UBE2W: variants seen among roughly 807,000 people sequenced by gnomAD.
The protein encoded by UBE2W is ubiquitin conjugating enzyme E2 W.
UBE2W carries 18 observed loss-of-function variants against 27.2 expected under a neutral mutation model. The ratio of observed to expected loss-of-function variants is 0.66; its 90% CI spans 0.46 to 0.98. The LOEUF is 0.98. UBE2W is among the 50% of genes least tolerant of loss of function. The pLI is 0.00. For missense variants in UBE2W, 90 were observed against 180.2 expected, an observed-to-expected ratio of 0.50 and a Z score of 2.87; for synonymous variants, 53 against 57.2, an observed-to-expected ratio of 0.93 and a Z score of 0.33.
chr8:73,801,351 A>G (rs1057320430), intron 5 of UBE2W, among the ~76,000 whole-genome samples: 2 of 152,190 alleles, frequency 1.3e-5, no homozygotes, highest in Admixed American at 6.5e-5. Flanking sequence ...AAATAGGAAT[A>G]CCCTCTAATA....
chr8:73,815,118 T>C (rs1809333664), intron 3 of UBE2W, among the ~76,000 whole-genome samples: 1 of 152,210 alleles, frequency 6.6e-6, no homozygotes, highest in Non-Finnish European at 1.5e-5. Flanking sequence ...GACTCACACC[T>C]GTAATCCTAG....
rs1479752962 is a variant in UBE2W at position 73,796,753 on chromosome 8, A to G, written c.443-2638T>C. On this transcript the variant is annotated intron_variant, in intron 5 of 5. Transcript: ENST00000602593. ...ATAGATACAACTATGAGCCAAAGCCATCGCCATCCTTTTTCTAAATAGGAT... is the reference window on the plus strand; with the variant it reads ...ATAGATACAACTATGAGCCAAAGCCGTCGCCATCCTTTTTCTAAATAGGAT... The G allele has an allele frequency of 4.5e-6, 3 of 667,080 alleles. No homozygotes were observed. The African/African-American group carries it at 5.8e-5, about 13-fold the overall frequency. 41.3% of individuals were successfully genotyped at this position (667,080 alleles called of 1,614,324 possible).
chr8:73,813,793 C>T (rs1809272856), intron 3 of UBE2W, among the ~76,000 whole-genome samples: 1 of 151,780 alleles, frequency 6.6e-6, no homozygotes, highest in Non-Finnish European at 1.5e-5. Flanking sequence ...GCTCTTGTTG[C>T]CCAGGCTGGA....
At chr8:73,838,407 G>C (rs1801176125) in intron 1 of UBE2W, among the ~76,000 whole-genome samples, 1 of 151,990 alleles carries the variant, frequency 6.6e-6, no homozygotes, top group Admixed American at 6.6e-5. Context: ...CTCTACTCTA[G>C]ATCACTACAA....
intron 1 of UBE2W, among the ~76,000 whole-genome samples, chr8:73,846,831 A>C (rs927034955): frequency 1.3e-5 from 2 of 152,226 alleles, no homozygotes; most frequent in East Asian, 1.9e-4. Context: ...TTAGATTATA[A>C]TAAGTATGTT....
intron 5 of UBE2W, among the ~76,000 whole-genome samples, chr8:73,804,555 CTTT>C (rs57819629): frequency 6.8e-6 from 1 of 146,528 alleles, no homozygotes. Flanking sequence ...CAGAATCTCA[CTTT>C]TTTTTTTTTA....
chr8:73,861,097 C>T (rs1811517152), intron 1 of UBE2W, among the ~76,000 whole-genome samples: 1 of 152,040 alleles, frequency 6.6e-6, no homozygotes. Flanking sequence ...CCATCCTGGG[C>T]AACAGAGTGA....
chr8:73,865,789 A>G (rs1257986135), intron 1 of UBE2W, among the ~76,000 whole-genome samples: 2 of 152,176 alleles, frequency 1.3e-5, no homozygotes, highest in Non-Finnish European at 2.9e-5. Flanking sequence ...AGACTATTCT[A>G]ATTTTAAAAT....
At chr8:73,864,730 C>T (rs1811673059) in intron 1 of UBE2W, among the ~76,000 whole-genome samples, 1 of 105,656 alleles carries the variant, frequency 9.5e-6, no homozygotes, top group East Asian at 2.7e-4. Context: ...GTGCATGCCA[C>T]CATGTCCAGC....
At chr8:73,865,583 T>C (rs1811720019) in intron 1 of UBE2W, among the ~76,000 whole-genome samples, 1 of 152,182 alleles carries the variant, frequency 6.6e-6, no homozygotes, top group African/African-American at 2.4e-5. Context: ...CTGCATACCC[T>C]AGCCTGGGTG....
At position 73,792,838 on chromosome 8, in the gene UBE2W, TCAA is replaced by T; in HGVS notation, c.*1261_*1263del. 1 of 985,552 alleles carries T rather than the reference TCAA, an allele frequency of 1.0e-6. No homozygotes were observed. Among genetic ancestry groups the T allele is most frequent in the Non-Finnish European group, 1.2e-6 (1 of 829,830 alleles). The allele number at this position is 985,552 out of a possible 1,614,324, so 61.1% of individuals were successfully genotyped here. ...TCATCTAGCTGTAAGCAAAGTCTTTTCAACAACAACAAAACAAAACCCTCCAGG... is the reference window on the plus strand; with the variant it reads ...TCATCTAGCTGTAAGCAAAGTCTTTTCAACAACAAAACAAAACCCTCCAGG... On this transcript the variant is annotated 3_prime_UTR_variant, in exon 6 of 6. Coordinates refer to ENST00000602593, the MANE Select transcript of UBE2W (RefSeq NM_018299.6).
At chr8:73,858,872 T>TTGCG (rs1255076026) in intron 1 of UBE2W, among the ~76,000 whole-genome samples, 1 of 110,430 alleles carries the variant, frequency 9.1e-6, no homozygotes, top group Non-Finnish European at 1.8e-5. Flanking sequence ...AGGGGGGTTT[T>TTGCG]TGCGTGCGTG....
At chr8:73,803,834 T>C (rs1808752072) in intron 5 of UBE2W, among the ~76,000 whole-genome samples, 1 of 151,406 alleles carries the variant, frequency 6.6e-6, no homozygotes, top group Admixed American at 6.6e-5. Flanking sequence ...TGGCGCGATC[T>C]CCGCTCACTA....
At chr8:73,824,157 T>G (rs915401398) in intron 3 of UBE2W, among the ~76,000 whole-genome samples, 2 of 152,228 alleles carry the variant, frequency 1.3e-5, no homozygotes, top group Non-Finnish European at 2.9e-5. Context: ...GTAATTATAG[T>G]AACTCATTTA....
chr8:73,788,057 A>T lies in UBE2W; in HGVS notation c.*6045T>A. ...TTTGTGAAGAGAAACTACTGTACAA[A>T]TACTTTTACGTCATAAACCAAAAAG... is the stretch of plus-strand genomic sequence containing the variant. On this transcript the variant is annotated 3_prime_UTR_variant, in exon 6 of 6. Coordinates refer to ENST00000602593, the MANE Select transcript of UBE2W (RefSeq NM_018299.6). The T allele has an allele frequency of 1.0e-6, 1 of 985,320 alleles. No homozygotes were observed. Among genetic ancestry groups the T allele is most frequent in the Non-Finnish European group, 1.2e-6 (1 of 829,816 alleles). 61.0% of individuals were successfully genotyped at this position (985,320 alleles called of 1,614,324 possible). A position where few individuals can be genotyped will look rare whatever the true frequency, so the allele number is the denominator to read the frequency against.
chr8:73,846,583 C>G (rs1323743752), intron 1 of UBE2W, among the ~76,000 whole-genome samples: 1 of 152,168 alleles, frequency 6.6e-6, no homozygotes, highest in Non-Finnish European at 1.5e-5. Flanking sequence ...CCCAAGGTCA[C>G]AGGCTTTGCC....
intron 2 of UBE2W, among the ~76,000 whole-genome samples, chr8:73,829,684 C>T (rs985194276): frequency 6.6e-6 from 1 of 151,938 alleles, no homozygotes; most frequent in Non-Finnish European, 1.5e-5. Flanking sequence ...CAAAGGTACC[C>T]AAAACTGTTT....
At chr8:73,783,406 T>C (rs999189873), downstream of UBE2W, among the ~76,000 whole-genome samples, 11 of 152,232 alleles carry the variant, frequency 7.2e-5, no homozygotes, top group Non-Finnish European at 1.3e-4. Context: ...ATTTTTGTTT[T>C]TTGCATACGG....
chr8:73,787,186 C>T lies in UBE2W; in HGVS notation c.*6916G>A. On this transcript the variant is annotated 3_prime_UTR_variant, in exon 6 of 6. Coordinates refer to ENST00000602593, the MANE Select transcript of UBE2W (RefSeq NM_018299.6). Reference sequence around the variant, plus strand: ...CAACTAAAAAAATGGTTGAAAGGGGCTCCCAACAGGACAGATAACCACAGT... The same window carrying T: ...CAACTAAAAAAATGGTTGAAAGGGGTTCCCAACAGGACAGATAACCACAGT... The T allele has an allele frequency of 9.1e-6, 9 of 985,414 alleles. No individual in the cohort carries two copies. The highest frequency in any genetic ancestry group is 1.1e-5 in the Non-Finnish European group (9 of 829,928). 61.0% of individuals were successfully genotyped at this position (985,414 alleles called of 1,614,324 possible).
Sources: gnomAD v4.1 joint callset for allele counts (sites outside exome capture counted in the v4.1 genomes callset) on GRCh38, gnomAD v4.1.1 for gene constraint, MANE v1.5 for transcripts, NCBI Gene and HGNC (gene_info 2026-07-23, HGNC 2026-07-21) for gene names.